Variants in CCDC33 observed in about 807,000 individuals in gnomAD.
CCDC33 encodes coiled-coil domain containing 33.
In CCDC33, 94 loss-of-function variants were observed where a neutral mutation model predicts 91.9. That is an observed-to-expected ratio of 1.02 (90% CI 0.87 to 1.21). The LOEUF (loss-of-function observed/expected upper bound fraction) is 1.21. Among genes scored for constraint, CCDC33 ranks in the 50% most tolerant of loss-of-function variants. CCDC33 has a pLI of 0.00. For synonymous variants in CCDC33, 396 were observed against 374.5 expected, an observed-to-expected ratio of 1.06 and a Z score of -0.66; for missense variants, 940 against 935.5, an observed-to-expected ratio of 1.00 and a Z score of -0.06.
chr15:74,286,550 C>T (rs78505250), intron 10 of CCDC33, among the ~76,000 whole-genome samples: 239 of 152,302 alleles, frequency 1.6e-3, no homozygotes, highest in African/African-American at 5.3e-3. Flanking sequence ...GCCTGGCATG[C>T]ACACAGTAGG....
chr15:74,280,114 GC>G (rs1566994548), intron 8 of CCDC33, 22 bp downstream of exon 8: 1 of 1,612,702 alleles, frequency 6.2e-7, no homozygotes, highest in African/African-American at 1.3e-5. Flanking sequence ...CTGGTGCCTC[GC>G]CAGGGCAGCC....
chr15:74,206,934 C>T (rs899003846), intron 1 of CCDC33, among the ~76,000 whole-genome samples: 1 of 152,182 alleles, frequency 6.6e-6, no homozygotes, highest in Non-Finnish European at 1.5e-5. Context: ...CACAGATTGG[C>T]GGGTGGCTAA....
intron 2 of CCDC33, among the ~76,000 whole-genome samples, chr15:74,259,345 G>C (rs919480382): frequency 6.6e-6 from 1 of 152,112 alleles, no homozygotes; most frequent in Non-Finnish European, 1.5e-5. Context: ...GCCCATCTGC[G>C]GGGTGCAGAA....
intron 11 of CCDC33, chr15:74,318,598 G>A (rs2060142438): frequency 2.7e-6 from 2 of 735,848 alleles, no homozygotes; most frequent in Admixed American, 4.1e-5. Flanking sequence ...AGATGGGGGA[G>A]CCAGGGCCCC....
upstream of CCDC33, among the ~76,000 whole-genome samples, chr15:74,214,954 A>G (rs2074401540): frequency 6.6e-6 from 1 of 152,238 alleles, no homozygotes. Flanking sequence ...CCAGGCACCT[A>G]TCCCTCGCCC....
chr15:74,297,443 A>G (rs1385028797), intron 11 of CCDC33, among the ~76,000 whole-genome samples: 1 of 152,150 alleles, frequency 6.6e-6, no homozygotes, highest in African/African-American at 2.4e-5. Flanking sequence ...CTGTAATCTC[A>G]CTACTTGGGC....
At chr15:74,261,384 C>A (rs551670101) in intron 2 of CCDC33, among the ~76,000 whole-genome samples, 1 of 152,306 alleles carries the variant, frequency 6.6e-6, no homozygotes, top group African/African-American at 2.4e-5. Context: ...TGGGAAGAAC[C>A]ATGTTGGTAT....
At chr15:74,309,045 A>G (rs1212066876) in intron 11 of CCDC33, among the ~76,000 whole-genome samples, 2 of 152,070 alleles carry the variant, frequency 1.3e-5, no homozygotes, top group Non-Finnish European at 2.9e-5. Context: ...CTGGGAGCTG[A>G]CCGTCCAGAT....
At position 74,262,311 on chromosome 15, in the gene CCDC33, A is replaced by G. The variant is rs955601053; in HGVS notation, c.186-129A>G. ...GAGGCCTGGGATGACACAAGTGTCT[A>G]TGCATGGGACAGAGCTCTCCATATT... On this transcript the variant is annotated intron_variant, in intron 2 of 18. Coordinates refer to ENST00000398814, the MANE Select transcript of CCDC33 (RefSeq NM_025055.5). 10 of 1,214,906 alleles carry G rather than the reference A, an allele frequency of 8.2e-6. No individual in the cohort carries two copies. The African/African-American group carries it at 1.5e-4, about 18-fold the overall frequency. 75.3% of individuals were successfully genotyped at this position (1,214,906 alleles called of 1,614,324 possible).
chr15:74,277,177 G>A (rs1023658296), intron 7 of CCDC33, among the ~76,000 whole-genome samples: 50 of 152,342 alleles, frequency 3.3e-4, no homozygotes, highest in African/African-American at 1.2e-3. Context: ...AGGAGTTTGA[G>A]GCATATCCCC....
At chr15:74,320,003 C>G (rs1243006241) in intron 11 of CCDC33, among the ~76,000 whole-genome samples, 2 of 152,172 alleles carry the variant, frequency 1.3e-5, no homozygotes, top group African/African-American at 2.4e-5. Context: ...GCAACTGCCT[C>G]CCCTCCCTGG....
Position 74,244,358 on chromosome 15 carries a change from C to G in CCDC33, c.185+210C>G, listed in dbSNP as rs1359402171. Reference sequence around the variant, plus strand: ...TGGGGAAGACAGGGTGCCAACGGATCCAGAGAGTCACCCCTCCCCACCCCA... The same window carrying G: ...TGGGGAAGACAGGGTGCCAACGGATGCAGAGAGTCACCCCTCCCCACCCCA... On this transcript the variant is annotated intron_variant, in intron 2 of 18. Coordinates refer to ENST00000398814, the MANE Select transcript of CCDC33 (RefSeq NM_025055.5). The surrounding 1 kb of genome is among the most constrained non-coding windows in gnomAD (Gnocchi z 4.2). Among the ~76,000 whole-genome samples, 2 of 152,172 alleles carry G rather than the reference C, an allele frequency of 1.3e-5. No homozygotes were observed. Among genetic ancestry groups the G allele is most frequent in the Non-Finnish European group, 2.9e-5 (2 of 68,024 alleles).
At chr15:74,264,115 G>T (rs1465917627) in intron 3 of CCDC33, among the ~76,000 whole-genome samples, 1 of 151,632 alleles carries the variant, frequency 6.6e-6, no homozygotes, top group East Asian at 2.0e-4. Flanking sequence ...TCATGGGCAG[G>T]CAGGGAATAT....
chr15:74,255,089 C>G (rs1465560097), intron 2 of CCDC33, among the ~76,000 whole-genome samples: 1 of 144,350 alleles, frequency 6.9e-6, no homozygotes, highest in African/African-American at 2.5e-5. Flanking sequence ...AGGCATCCCC[C>G]TTTCCCCCCA....
chr15:74,321,499 A>C (rs1177990839), intron 11 of CCDC33, among the ~76,000 whole-genome samples: 1 of 152,078 alleles, frequency 6.6e-6, no homozygotes, highest in Non-Finnish European at 1.5e-5. Flanking sequence ...TGCTGACCTC[A>C]GGTGATCCAC....
intron 11 of CCDC33, among the ~76,000 whole-genome samples, chr15:74,298,935 G>T (rs2142639561): frequency 6.6e-6 from 1 of 152,116 alleles, no homozygotes; most frequent in East Asian, 1.9e-4. Context: ...ATAGTCCCAA[G>T]CTCTTAACCT....
intron 7 of CCDC33, 23 bp from the exon 8 acceptor site, chr15:74,279,940 C>G: frequency 6.2e-7 from 1 of 1,608,094 alleles, no homozygotes; most frequent in Non-Finnish European, 8.5e-7. Flanking sequence ...CCCCCACCAC[C>G]TGCTCCTACC....
chr15:74,273,593 C>T (rs772844128), intron 7 of CCDC33, among the ~76,000 whole-genome samples: 3 of 151,674 alleles, frequency 2.0e-5, no homozygotes, highest in Non-Finnish European at 2.9e-5. Context: ...CTCAGCCTCT[C>T]GAGTAGCTGG....
intron 10 of CCDC33, among the ~76,000 whole-genome samples, chr15:74,293,082 T>G (rs953399465): frequency 3.9e-5 from 6 of 152,168 alleles, no homozygotes; most frequent in African/African-American, 1.4e-4. Flanking sequence ...ACCCATCTGG[T>G]GCTGGGGCCA....
Sources: allele counts gnomAD v4.1 joint callset (sites outside exome capture counted in the v4.1 genomes callset), GRCh38; gene constraint gnomAD v4.1.1; non-coding constraint Gnocchi (gnomAD v3.1); transcripts MANE v1.5; gene names NCBI Gene and HGNC (gene_info 2026-07-23, HGNC 2026-07-21).